C2orf92: variants seen among roughly 807,000 people sequenced by gnomAD.
C2orf92 encodes uncharacterized protein C2orf92.
intron 5 of C2orf92, among the ~76,000 whole-genome samples, chr2:97,693,002 G>A (rs55766309): frequency 0.064 from 9,791 of 152,132 alleles, 648 homozygotes; most frequent in African/African-American, 0.17. Context: ...CTGTCCAAAA[G>A]ATACTTTTTG....
At chr2:97,683,748 A>G (rs1056719517) in intron 3 of C2orf92, among the ~76,000 whole-genome samples, 3 of 152,246 alleles carry the variant, frequency 2.0e-5, no homozygotes, top group African/African-American at 7.2e-5. Context: ...AAAACTTGCT[A>G]CAAAGCACAG....
chr2:97,679,672 T>C (rs1417773884), intron 3 of C2orf92, among the ~76,000 whole-genome samples: 1 of 151,054 alleles, frequency 6.6e-6, no homozygotes, highest in East Asian at 2.0e-4. Context: ...TGAAACCCTA[T>C]CTCTACTAAA....
At chr2:97,678,788 G>A (rs1406528153) in intron 3 of C2orf92, among the ~76,000 whole-genome samples, 2 of 148,784 alleles carry the variant, frequency 1.3e-5, no homozygotes, top group African/African-American at 2.5e-5. Flanking sequence ...TGGGCAATAC[G>A]GCAAAACCCT....
chr2:97,686,393 G>A (rs1277959348), intron 3 of C2orf92, among the ~76,000 whole-genome samples: 1 of 152,044 alleles, frequency 6.6e-6, no homozygotes, highest in Non-Finnish European at 1.5e-5. Flanking sequence ...CATAGCAATG[G>A]GTGTAGAGTT....
intron 3 of C2orf92, among the ~76,000 whole-genome samples, chr2:97,676,460 A>G (rs1485821132): frequency 1.3e-5 from 2 of 149,158 alleles, no homozygotes; most frequent in Non-Finnish European, 3.0e-5. Context: ...AAAAAAAAAA[A>G]AAAAAAGACA....
intron 3 of C2orf92, among the ~76,000 whole-genome samples, chr2:97,681,914 A>G (rs1026287716): frequency 6.6e-6 from 1 of 152,178 alleles, no homozygotes; most frequent in African/African-American, 2.4e-5. Context: ...TAAAGGAACT[A>G]GAAAAAGAAC....
intron 7 of C2orf92, 89 bp downstream of exon 7, chr2:97,701,393 C>T (rs879252506): frequency 2.0e-5 from 8 of 394,160 alleles, no homozygotes; most frequent in East Asian, 7.2e-5. Flanking sequence ...ATCTGGTTTA[C>T]GAGGAGGGCA....
chr2:97,702,970 G>A lies in C2orf92; in HGVS notation c.*169G>A, dbSNP rs977982715. On this transcript the variant is annotated 3_prime_UTR_variant, in exon 8 of 8. Transcript: ENST00000627399. ...ACCAAGAAAAACTGCTTTACCATAG[G>A]ACACTTGTGGCAATATGGCACCGAT... 1 of 394,038 alleles carries A rather than the reference G, an allele frequency of 2.5e-6. No homozygotes were observed. The highest frequency in any genetic ancestry group is 2.1e-5 in the African/African-American group (1 of 48,548). 24.4% of individuals were successfully genotyped at this position (394,038 alleles called of 1,614,324 possible).
chr2:97,676,930 T>G (rs1012223211), intron 3 of C2orf92, among the ~76,000 whole-genome samples: 3 of 152,166 alleles, frequency 2.0e-5, no homozygotes, highest in Non-Finnish European at 4.4e-5. Flanking sequence ...TGAGAAAAAC[T>G]AAGGCCCAGA....
chr2:97,671,334 C>G (rs908447015), intron 1 of C2orf92: 18 of 391,170 alleles, frequency 4.6e-5, no homozygotes, highest in Non-Finnish European at 8.1e-5. Flanking sequence ...TTTGTAGAGT[C>G]GGGGGTCTCC....
chr2:97,687,164 A>G (rs1288247022), intron 3 of C2orf92, among the ~76,000 whole-genome samples: 1 of 152,170 alleles, frequency 6.6e-6, no homozygotes, highest in Non-Finnish European at 1.5e-5. Context: ...CAGGAGTTCC[A>G]GACCAGCCTA....
chr2:97,683,538 T>TAA lies in C2orf92; in HGVS notation c.233-5342_233-5341dup, dbSNP rs35099683. On this transcript the variant is annotated intron_variant, in intron 3 of 7. Transcript: ENST00000627399. ...CAACACAATAAGACCTGGTATCTAT[T>TAA]AAAAAAAAAAAAAAAAGATGTCAAA... Among the ~76,000 whole-genome samples, 186 of 138,344 alleles carry TAA rather than the reference T, an allele frequency of 1.3e-3. 1 individual carries two copies. The highest frequency in any genetic ancestry group is 3.7e-3 in the Middle Eastern group (1 of 272). The allele number at this position is 138,344 out of a possible 152,430, so 90.8% of individuals were successfully genotyped here.
intron 5 of C2orf92, among the ~76,000 whole-genome samples, chr2:97,694,248 CTTTT>C (rs1175002909): frequency 1.4e-5 from 2 of 142,532 alleles, no homozygotes; most frequent in Non-Finnish European, 3.1e-5. Flanking sequence ...TTCTTTCTTT[CTTTT>C]TTTTTTTTTT....
intron 3 of C2orf92, among the ~76,000 whole-genome samples, chr2:97,681,718 C>T (rs1009203973): frequency 6.6e-6 from 1 of 152,034 alleles, no homozygotes; most frequent in Admixed American, 6.6e-5. Context: ...ATTAGCTGGG[C>T]GTGGTGGCGG....
intron 5 of C2orf92, among the ~76,000 whole-genome samples, chr2:97,697,739 T>C (rs1179892514): frequency 6.6e-6 from 1 of 152,122 alleles, no homozygotes; most frequent in African/African-American, 2.4e-5. Context: ...AATTTTATTA[T>C]TCTTTTGAGA....
At chr2:97,696,296 T>C (rs1400256002) in intron 5 of C2orf92, among the ~76,000 whole-genome samples, 3 of 152,072 alleles carry the variant, frequency 2.0e-5, no homozygotes, top group Non-Finnish European at 4.4e-5. Flanking sequence ...CTGTAGGCAG[T>C]GACAAAGCTC....
At chr2:97,689,518 G>A (rs1676062150) in intron 4 of C2orf92, among the ~76,000 whole-genome samples, 1 of 152,196 alleles carries the variant, frequency 6.6e-6, no homozygotes, top group African/African-American at 2.4e-5. Context: ...CATATTATGG[G>A]AAAAATTTAG....
intron 3 of C2orf92, among the ~76,000 whole-genome samples, chr2:97,686,753 C>T (rs979857250): frequency 3.9e-5 from 6 of 151,932 alleles, no homozygotes; most frequent in Non-Finnish European, 7.4e-5. Flanking sequence ...GGAAGCCGAG[C>T]GCCTCAGTCC....
intron 1 of C2orf92, chr2:97,670,524 T>C (rs966273979): frequency 6.6e-6 from 1 of 151,978 alleles, no homozygotes; most frequent in Admixed American, 6.6e-5. Context: ...CTTTATAGGA[T>C]ATAATATATA....
Sources: gnomAD v4.1 joint callset for allele counts (sites outside exome capture counted in the v4.1 genomes callset) on GRCh38, gnomAD v4.1.1 for gene constraint, MANE v1.5 for transcripts, NCBI Gene and HGNC (gene_info 2026-07-23, HGNC 2026-07-21) for gene names.